Variants in FHIT observed in about 807,000 individuals in gnomAD.
The protein encoded by FHIT is bis(5'-adenosyl)-triphosphatase.
FHIT carries 19 observed loss-of-function variants against 17.9 expected under a neutral mutation model. That is an observed-to-expected ratio of 1.06 (90% CI 0.74 to 1.56). The LOEUF (loss-of-function observed/expected upper bound fraction) is 1.56, where lower values mean the gene tolerates loss of function less well. Among genes scored for constraint, FHIT ranks in the 40% most tolerant of loss-of-function variants. FHIT has a pLI of 0.00. For synonymous variants in FHIT, 81 were observed against 69.7 expected (o/e 1.16, Z -0.81); for missense variants, 248 against 189.2 (o/e 1.31, Z -1.82).
chr3:61,198,306 C>T (rs978849313), intron 2 of FHIT, among the ~76,000 whole-genome samples: 3 of 152,108 alleles, frequency 2.0e-5, no homozygotes, highest in Non-Finnish European at 2.9e-5. Flanking sequence ...TACATGTTGG[C>T]AGATCAGAAT....
chr3:59,891,171 A>G (rs1053550094), intron 8 of FHIT, among the ~76,000 whole-genome samples: 1 of 152,192 alleles, frequency 6.6e-6, no homozygotes, highest in African/African-American at 2.4e-5. Flanking sequence ...AAAATAGTTG[A>G]TCAATCCTTC....
At chr3:61,034,954 T>C (rs1044013777) in intron 3 of FHIT, among the ~76,000 whole-genome samples, 1 of 152,194 alleles carries the variant, frequency 6.6e-6, no homozygotes, top group Non-Finnish European at 1.5e-5. Context: ...TGCAATATTA[T>C]TCAGCCCTAA....
chr3:60,463,117 A>G (rs1252208331), intron 5 of FHIT, among the ~76,000 whole-genome samples: 1 of 152,208 alleles, frequency 6.6e-6, no homozygotes, highest in Admixed American at 6.5e-5. Flanking sequence ...ACTCTCTTCA[A>G]AATCTTTTCT....
At chr3:60,212,558 G>A (rs991286952) in intron 5 of FHIT, among the ~76,000 whole-genome samples, 13 of 151,944 alleles carry the variant, frequency 8.6e-5, no homozygotes, top group African/African-American at 1.9e-4. Flanking sequence ...TTCACATAAC[G>A]GGAGACATAT....
At chr3:60,537,385 T>C (rs976262286) in intron 4 of FHIT, 1 of 731,112 alleles carries the variant, frequency 1.4e-6, no homozygotes, top group African/African-American at 1.9e-5. Context: ...AACCTTCTAA[T>C]TCTTAAATGC....
intron 3 of FHIT, among the ~76,000 whole-genome samples, chr3:61,032,533 A>G (rs2033057566): frequency 6.6e-6 from 1 of 152,158 alleles, no homozygotes; most frequent in South Asian, 2.1e-4. Flanking sequence ...ATCCCACCTC[A>G]TTTCTGGCAC....
chr3:61,157,317 T>G (rs1157074450), intron 2 of FHIT, among the ~76,000 whole-genome samples: 3 of 152,154 alleles, frequency 2.0e-5, no homozygotes, highest in African/African-American at 7.2e-5. Flanking sequence ...GCAAGATTTT[T>G]AAAGATTATA....
At chr3:60,899,183 T>G (rs1043583290) in intron 3 of FHIT, among the ~76,000 whole-genome samples, 13 of 152,186 alleles carry the variant, frequency 8.5e-5, no homozygotes, top group Non-Finnish European at 4.4e-5. Context: ...AACACTTGCT[T>G]TAAAATTCGA....
intron 8 of FHIT, among the ~76,000 whole-genome samples, chr3:59,845,400 A>G (rs1209717021): frequency 2.0e-5 from 3 of 152,158 alleles, no homozygotes; most frequent in South Asian, 2.1e-4. Context: ...ATTTTTAAAT[A>G]TAAGTATTTG....
intron 3 of FHIT, among the ~76,000 whole-genome samples, chr3:60,838,427 G>A (rs377348911): frequency 2.5e-3 from 376 of 152,238 alleles, no homozygotes; most frequent in African/African-American, 8.6e-3. Flanking sequence ...AGTCGAGATC[G>A]CGCCACCGCA....
At chr3:60,802,901 A>C (rs1350579097) in intron 4 of FHIT, among the ~76,000 whole-genome samples, 1 of 152,218 alleles carries the variant, frequency 6.6e-6, no homozygotes, top group Admixed American at 6.5e-5. Context: ...TCTTCAAAAC[A>C]AATGTAAAGC....
At chr3:60,404,954 A>G (rs528762669) in intron 5 of FHIT, among the ~76,000 whole-genome samples, 2 of 152,322 alleles carry the variant, frequency 1.3e-5, no homozygotes, top group Admixed American at 1.3e-4. Flanking sequence ...TTGCAGCAGC[A>G]GCAGAAATCC....
chr3:60,100,884 A>G (rs955678690), intron 5 of FHIT, among the ~76,000 whole-genome samples: 1 of 152,202 alleles, frequency 6.6e-6, no homozygotes, highest in African/African-American at 2.4e-5. Context: ...GTGTGACACC[A>G]AGAACCACTT....
intron 4 of FHIT, among the ~76,000 whole-genome samples, chr3:60,792,833 C>CT (rs34640191): frequency 0.51 from 73,965 of 144,116 alleles, 19,580 homozygotes; most frequent in African/African-American, 0.69. Flanking sequence ...AAAACAATTT[C>CT]TTTTTTTTTT....
chr3:61,095,763 C>T (rs1215870176), intron 2 of FHIT, among the ~76,000 whole-genome samples: 3 of 152,214 alleles, frequency 2.0e-5, no homozygotes, highest in Non-Finnish European at 4.4e-5. Flanking sequence ...GCTCATGACA[C>T]CTGTCCCCTC....
At chr3:60,685,004 T>G (rs2040831720) in intron 4 of FHIT, among the ~76,000 whole-genome samples, 1 of 152,172 alleles carries the variant, frequency 6.6e-6, no homozygotes, top group African/African-American at 2.4e-5. Flanking sequence ...AGAGGGAAAG[T>G]AGCGTTCTTA....
At chr3:60,110,996 C>A (rs986045843) in intron 5 of FHIT, among the ~76,000 whole-genome samples, 2 of 152,128 alleles carry the variant, frequency 1.3e-5, no homozygotes, top group Admixed American at 6.5e-5. Flanking sequence ...GATACAGATA[C>A]CAAAATGACG....
chr3:60,136,512 A>C (rs1319724067), intron 5 of FHIT, among the ~76,000 whole-genome samples: 1 of 152,040 alleles, frequency 6.6e-6, no homozygotes, highest in African/African-American at 2.4e-5. Flanking sequence ...ATTCTTCCCC[A>C]TTCTGTCTCA....
intron 4 of FHIT, among the ~76,000 whole-genome samples, chr3:60,695,012 G>T (rs565678009): frequency 6.6e-6 from 1 of 152,226 alleles, no homozygotes; most frequent in East Asian, 1.9e-4. Context: ...GTATACATAT[G>T]TAACAAACCT....
Sources: gnomAD v4.1 joint callset for allele counts (sites outside exome capture counted in the v4.1 genomes callset) on GRCh38, gnomAD v4.1.1 for gene constraint, MANE v1.5 for transcripts, NCBI Gene and HGNC (gene_info 2026-07-23, HGNC 2026-07-21) for gene names.